THSD7A: variants seen among roughly 807,000 people sequenced by gnomAD.
The protein encoded by THSD7A is thrombospondin type-1 domain-containing protein 7A.
Under a neutral mutation model 231.3 loss-of-function variants are expected in THSD7A, and 96 were observed. The ratio of observed to expected loss-of-function variants is 0.41; its 90% CI spans 0.35 to 0.49. The LOEUF (loss-of-function observed/expected upper bound fraction) is 0.49. Ranked by LOEUF, THSD7A falls within the 20% of genes least tolerant of loss-of-function variation. The pLI is 0.05. For synonymous variants in THSD7A, 940 were observed against 743.3 expected, an observed-to-expected ratio of 1.26 and a Z score of -4.30; for missense variants, 2,290 against 2,070.2, an observed-to-expected ratio of 1.11 and a Z score of -2.06.
intron 1 of THSD7A, among the ~76,000 whole-genome samples, chr7:11,735,971 G>T (rs1005500994): frequency 2.0e-5 from 3 of 151,778 alleles, no homozygotes; most frequent in African/African-American, 4.8e-5. Flanking sequence ...TACTTCTAGT[G>T]TTATATTAAA....
intron 2 of THSD7A, among the ~76,000 whole-genome samples, chr7:11,616,201 T>G (rs1781097864): frequency 6.6e-6 from 1 of 152,206 alleles, no homozygotes; most frequent in Admixed American, 6.5e-5. Flanking sequence ...TCAACATTAT[T>G]AATGTCTCTG....
intron 11 of THSD7A, among the ~76,000 whole-genome samples, chr7:11,453,226 T>C (rs958956351): frequency 3.3e-5 from 5 of 151,928 alleles, no homozygotes; most frequent in African/African-American, 1.2e-4. Context: ...GCATATTTGT[T>C]CACAAAAAAT....
intron 19 of THSD7A, among the ~76,000 whole-genome samples, chr7:11,408,513 AAAATG>A (rs980977901): frequency 6.6e-6 from 1 of 151,798 alleles, no homozygotes; most frequent in Non-Finnish European, 1.5e-5. Context: ...TAAAAAAAAA[AAAATG>A]AAAAGAAAGA....
chr7:11,731,521 C>T (rs145836079), intron 1 of THSD7A, among the ~76,000 whole-genome samples: 10 of 151,710 alleles, frequency 6.6e-5, no homozygotes, highest in African/African-American at 1.7e-4. Flanking sequence ...AGATTGTTAA[C>T]GTCAATTGCT....
At chr7:11,449,829 A>T (rs753950605) in intron 11 of THSD7A, among the ~76,000 whole-genome samples, 27 of 152,040 alleles carry the variant, frequency 1.8e-4, no homozygotes, top group Admixed American at 3.3e-4. Flanking sequence ...ATGCTAAAAA[A>T]ATTGATAAAG....
chr7:11,616,524 A>G (rs1045874088), intron 2 of THSD7A, among the ~76,000 whole-genome samples: 1 of 151,958 alleles, frequency 6.6e-6, no homozygotes, highest in Non-Finnish European at 1.5e-5. Context: ...ACACAGTCCA[A>G]GAATAATTTA....
At chr7:11,659,247 T>C (rs959275150) in intron 1 of THSD7A, among the ~76,000 whole-genome samples, 7 of 151,642 alleles carry the variant, frequency 4.6e-5, no homozygotes, top group Non-Finnish European at 8.9e-5. Flanking sequence ...ACTTCTAAAA[T>C]TGCAAATCAC....
At chr7:11,394,357 A>C (rs1783099217) in intron 23 of THSD7A, among the ~76,000 whole-genome samples, 1 of 152,056 alleles carries the variant, frequency 6.6e-6, no homozygotes, top group Admixed American at 6.5e-5. Context: ...CCTAAAGGGC[A>C]CACTCAATAT....
At chr7:11,497,627 A>T (rs1787157031) in intron 6 of THSD7A, among the ~76,000 whole-genome samples, 1 of 152,198 alleles carries the variant, frequency 6.6e-6, no homozygotes, top group South Asian at 2.1e-4. Flanking sequence ...TTCCACTTGG[A>T]AAATGTTTAT....
At chr7:11,593,196 T>A in intron 3 of THSD7A, 58 bp downstream of exon 3, 1 of 1,586,078 alleles carries the variant, frequency 6.3e-7, no homozygotes, top group Non-Finnish European at 8.6e-7. Context: ...TCAGTCAAAA[T>A]CAAATAGCTG....
At chr7:11,665,023 C>A (rs1176490766) in intron 1 of THSD7A, among the ~76,000 whole-genome samples, 1 of 151,960 alleles carries the variant, frequency 6.6e-6, no homozygotes, top group Non-Finnish European at 1.5e-5. Flanking sequence ...ATATCGATAC[C>A]AATTCCACAG....
At chr7:11,705,758 T>C (rs1780745808) in intron 1 of THSD7A, among the ~76,000 whole-genome samples, 1 of 150,958 alleles carries the variant, frequency 6.6e-6, no homozygotes, top group Non-Finnish European at 1.5e-5. Context: ...AAATCAATGT[T>C]GGTAAATTAG....
chr7:11,641,769 T>A (rs1725447), intron 1 of THSD7A, among the ~76,000 whole-genome samples: 19,237 of 123,210 alleles, frequency 0.16, 1,411 homozygotes, highest in Admixed American at 0.22. Context: ...AAATAAAATA[T>A]AATATAATAA....
chr7:11,548,115 A>G (rs527688541), intron 4 of THSD7A, among the ~76,000 whole-genome samples: 1 of 152,282 alleles, frequency 6.6e-6, no homozygotes, highest in South Asian at 2.1e-4. Flanking sequence ...ATTGCTAGCT[A>G]GACTAATAAA....
Position 11,424,842 on chromosome 7 carries a change from T to C in THSD7A, c.3250-13A>G. ...CAACCTCATACACCTGAAACACACA[T>C]GGTTCTCAGCAATCTCAGGGAATCT... On this transcript the variant is annotated splice_polypyrimidine_tract_variant and intron_variant, in intron 15 of 27. Transcript: ENST00000423059. 3 of 1,613,804 alleles carry C rather than the reference T, an allele frequency of 1.9e-6. No homozygotes were observed. The highest frequency in any genetic ancestry group is 1.1e-5 in the South Asian group (1 of 91,044).
intron 1 of THSD7A, among the ~76,000 whole-genome samples, chr7:11,639,022 T>G (rs942035095): frequency 2.6e-5 from 4 of 152,250 alleles, no homozygotes; most frequent in African/African-American, 9.6e-5. Flanking sequence ...ATCCCCACTG[T>G]GCTTGAACAA....
intron 11 of THSD7A, among the ~76,000 whole-genome samples, chr7:11,460,367 CA>C (rs1241779355): frequency 1.3e-5 from 2 of 151,998 alleles, no homozygotes; most frequent in Non-Finnish European, 2.9e-5. Flanking sequence ...AACAAACAAA[CA>C]AACAAACAAA....
chr7:11,511,489 CA>C (rs1787806963), intron 6 of THSD7A, among the ~76,000 whole-genome samples: 1 of 152,058 alleles, frequency 6.6e-6, no homozygotes, highest in African/African-American at 2.4e-5. Context: ...AATCATAAGC[CA>C]AAAGAACAAA....
chr7:11,573,143 C>G (rs969749821), intron 4 of THSD7A, among the ~76,000 whole-genome samples: 7 of 152,106 alleles, frequency 4.6e-5, no homozygotes, highest in African/African-American at 1.7e-4. Context: ...AACAAGTATT[C>G]TTCACTCTCA....
Sources: gnomAD v4.1 joint callset for allele counts (sites outside exome capture counted in the v4.1 genomes callset) on GRCh38, gnomAD v4.1.1 for gene constraint, MANE v1.5 for transcripts, NCBI Gene and HGNC (gene_info 2026-07-23, HGNC 2026-07-21) for gene names.